The following UBXN2B variants were observed in gnomAD, a reference collection of about 807,000 sequenced individuals.
UBXN2B encodes UBX domain protein 2B.
UBXN2B carries 19 observed loss-of-function variants against 37.5 expected under a neutral mutation model. That is an observed-to-expected ratio of 0.51 (90% CI 0.35 to 0.74). UBXN2B has a LOEUF of 0.74. UBXN2B is among the 30% of genes least tolerant of loss of function. The pLI, the probability that UBXN2B is intolerant of heterozygous loss-of-function variation, is 0.01. For synonymous variants in UBXN2B, 145 were observed against 143.8 expected (o/e 1.01, Z -0.06); for missense variants, 370 against 393.2 (o/e 0.94, Z 0.50).
chr8:58,435,099 T>C (rs1808378720), intron 5 of UBXN2B: 2 of 1,421,496 alleles, frequency 1.4e-6, no homozygotes, highest in African/African-American at 2.9e-5. Context: ...TGTGTTATGA[T>C]TAAACTAGCT....
chr8:58,426,429 C>T (rs1288710457), intron 2 of UBXN2B: 1 of 612,846 alleles, frequency 1.6e-6, no homozygotes, highest in East Asian at 3.1e-5. Context: ...AGGATGGTCT[C>T]AATCTCCTGA....
chr8:58,416,566 G>A (rs1180398439), intron 1 of UBXN2B, among the ~76,000 whole-genome samples: 2 of 152,066 alleles, frequency 1.3e-5, no homozygotes, highest in Non-Finnish European at 2.9e-5. Flanking sequence ...ATTTGAAAAT[G>A]GTTTGTTACC....
chr8:58,414,497 A>T (rs1168302432), intron 1 of UBXN2B, among the ~76,000 whole-genome samples: 1 of 152,244 alleles, frequency 6.6e-6, no homozygotes, highest in East Asian at 1.9e-4. Context: ...TCAATACTTT[A>T]CTTACATACT....
chr8:58,433,377 G>A (rs567300648), intron 4 of UBXN2B, 134 bp downstream of exon 4: 2 of 635,474 alleles, frequency 3.1e-6, no homozygotes, highest in South Asian at 4.6e-5. Flanking sequence ...AAGGACCAAT[G>A]ATGTGTGAGT....
chr8:58,427,576 G>A (rs1250355671), intron 2 of UBXN2B, among the ~76,000 whole-genome samples: 4 of 152,202 alleles, frequency 2.6e-5, no homozygotes, highest in Admixed American at 1.3e-4. Context: ...TAATGACATG[G>A]GATATAGGGA....
In UBXN2B at chr8:58,450,367, C is replaced by T. The variant is rs1196936097; in HGVS notation, c.*2816C>T. The T allele has an allele frequency of 6.6e-6, 1 of 152,208 alleles. No homozygotes were observed. Among genetic ancestry groups the T allele is most frequent in the East Asian group, 1.9e-4 (1 of 5,196 alleles). 9.4% of individuals were successfully genotyped at this position (152,208 alleles called of 1,614,324 possible). ...TTGAAGTCATCACTTAAAAGTTCTG[C>T]TTTACACATAACGGCAGGACACAAC... On this transcript the variant is annotated 3_prime_UTR_variant, in exon 8 of 8. Coordinates refer to ENST00000399598, the MANE Select transcript of UBXN2B (RefSeq NM_001077619.2).
In UBXN2B at chr8:58,425,878, G is replaced by C. The variant is rs1321855550; in HGVS notation, c.189-4641G>C. ...TCATAACATGGGCCACTTTAGACTT[G>C]CCGTTATTGTTCTCCCCTTTGTCAT... On this transcript the variant is annotated intron_variant, in intron 2 of 7. Coordinates refer to ENST00000399598, the MANE Select transcript of UBXN2B (RefSeq NM_001077619.2). 4 of 1,159,540 alleles carry C rather than the reference G, an allele frequency of 3.4e-6. No homozygotes were observed. The East Asian group carries it at 9.4e-5, about 27-fold the overall frequency. The allele number at this position is 1,159,540 out of a possible 1,614,324, so 71.8% of individuals were successfully genotyped here.
At chr8:58,435,206 G>C in intron 5 of UBXN2B, 1 of 1,163,954 alleles carries the variant, frequency 8.6e-7, no homozygotes, top group Non-Finnish European at 1.1e-6. Flanking sequence ...GAGTTTTACT[G>C]TATATAACCA....
intron 2 of UBXN2B, among the ~76,000 whole-genome samples, chr8:58,419,300 A>G (rs534516150): frequency 1.3e-5 from 2 of 152,208 alleles, no homozygotes; most frequent in South Asian, 2.1e-4. Context: ...GTTTCGTTGT[A>G]TTTCTACAGG....
At chr8:58,415,448 T>C (rs1807751559) in intron 1 of UBXN2B, among the ~76,000 whole-genome samples, 1 of 152,024 alleles carries the variant, frequency 6.6e-6, no homozygotes, top group Non-Finnish European at 1.5e-5. Flanking sequence ...TCCTCTATCA[T>C]TTGTTTGTTT....
chr8:58,422,823 A>G (rs891407053), intron 2 of UBXN2B, among the ~76,000 whole-genome samples: 2 of 152,208 alleles, frequency 1.3e-5, no homozygotes, highest in African/African-American at 4.8e-5. Flanking sequence ...AAGCTTCTTG[A>G]AGACCCTCTC....
At chr8:58,447,317 A>G in intron 7 of UBXN2B, 72 bp from the exon 8 acceptor site, 5 of 1,380,280 alleles carry the variant, frequency 3.6e-6, no homozygotes, top group African/African-American at 1.5e-5. Context: ...GATTTTTATT[A>G]TGATTCAGTT....
intron 1 of UBXN2B, among the ~76,000 whole-genome samples, chr8:58,413,697 T>G (rs1585590329): frequency 6.6e-6 from 1 of 152,228 alleles, no homozygotes; most frequent in East Asian, 1.9e-4. Flanking sequence ...AGAGAAAAGC[T>G]GCATAGTTGC....
chr8:58,446,407 T>C (rs533519650), intron 7 of UBXN2B, among the ~76,000 whole-genome samples: 1 of 152,222 alleles, frequency 6.6e-6, no homozygotes, highest in Non-Finnish European at 1.5e-5. Context: ...TTGGGGACTT[T>C]ATTCATTTAA....
chr8:58,437,329 T>TTC (rs1554552589), intron 5 of UBXN2B, among the ~76,000 whole-genome samples: 2 of 127,988 alleles, frequency 1.6e-5, no homozygotes, highest in African/African-American at 2.9e-5. Context: ...TTTTTTTTTT[T>TTC]TTTTTTTTTT....
intron 2 of UBXN2B, among the ~76,000 whole-genome samples, chr8:58,419,482 C>T (rs1335157271): frequency 6.6e-6 from 1 of 152,194 alleles, no homozygotes; most frequent in Non-Finnish European, 1.5e-5. Flanking sequence ...GTTACGTAAT[C>T]TACAGAAAGA....
chr8:58,446,779 A>ATTTTTTTTTTTTTT lies in UBXN2B; in HGVS notation c.834-587_834-574dup, dbSNP rs869090698. On this transcript the variant is annotated intron_variant, in intron 7 of 7. Transcript: ENST00000399598. Reference sequence around the variant, plus strand: ...ATACTCCGAAAAAAGTACAACCTGCATTTTTTTTTTTTTTTTTTTTTTTTT... The same window carrying ATTTTTTTTTTTTTT: ...ATACTCCGAAAAAAGTACAACCTGCATTTTTTTTTTTTTTTTTTTTTTTTTTTTTTTTTTTTTTT... Among the ~76,000 whole-genome samples the ATTTTTTTTTTTTTT allele has an allele frequency of 9.3e-3, 162 of 17,402 alleles. 66 individuals carry two copies. Among genetic ancestry groups the ATTTTTTTTTTTTTT allele is most frequent in the East Asian group, 0.012 (6 of 496 alleles). 11.4% of individuals were successfully genotyped at this position (17,402 alleles called of 152,430 possible).
At chr8:58,413,769 T>A (rs1807702961) in intron 1 of UBXN2B, among the ~76,000 whole-genome samples, 1 of 152,108 alleles carries the variant, frequency 6.6e-6, no homozygotes, top group South Asian at 2.1e-4. Flanking sequence ...TCGGAAATGT[T>A]TTTTTGCATA....
chr8:58,425,773 C>A, intron 2 of UBXN2B: 1 of 1,160,082 alleles, frequency 8.6e-7, no homozygotes. Context: ...TAGGATTCTT[C>A]TTGTAATGTT....
Sources: allele counts gnomAD v4.1 joint callset (sites outside exome capture counted in the v4.1 genomes callset), GRCh38; gene constraint gnomAD v4.1.1; transcripts MANE v1.5; gene names NCBI Gene and HGNC (gene_info 2026-07-23, HGNC 2026-07-21).